Variants in AFF1 observed in about 807,000 individuals in gnomAD.
AFF1 encodes AF4/FMR2 family member 1.
In AFF1, 48 loss-of-function variants were observed where a neutral mutation model predicts 121.7. That is an observed-to-expected ratio of 0.39 (90% CI 0.31 to 0.50). The LOEUF is 0.50. Among genes scored for constraint, AFF1 ranks in the 20% least tolerant of loss-of-function variants. The pLI is 0.76. For synonymous variants in AFF1, 613 were observed against 563.0 expected (o/e 1.09, Z -1.26); for missense variants, 1,523 against 1,511.7 (o/e 1.01, Z -0.12).
rs929247340 is a variant in AFF1, at chr4:86,985,766, A to T, written c.38+37195A>T. 1.1e-4 allele frequency among the ~76,000 whole-genome samples: 16 copies of T among 152,096 alleles called. No individual in the cohort carries two copies. The South Asian group carries it at 2.1e-3, about 20-fold the overall frequency. On this transcript the variant is annotated intron_variant, in intron 2 of 20. Transcript: ENST00000395146. Reference sequence around the variant, plus strand: ...AATGGCAGGGAACTAACTCATAATTAAAAAAATAATAATAAAAGAATCAAG... The same window carrying T: ...AATGGCAGGGAACTAACTCATAATTTAAAAAATAATAATAAAAGAATCAAG...
At chr4:86,988,367 TC>T (rs1392837251) in intron 2 of AFF1, among the ~76,000 whole-genome samples, 1 of 149,818 alleles carries the variant, frequency 6.7e-6, no homozygotes, top group Non-Finnish European at 1.5e-5. Context: ...GGTTCTCTAC[TC>T]CGTTAGATCA....
intron 8 of AFF1, among the ~76,000 whole-genome samples, chr4:87,098,497 C>T (rs914159916): frequency 6.6e-6 from 1 of 152,110 alleles, no homozygotes; most frequent in African/African-American, 2.4e-5. Flanking sequence ...TAATTGTGGA[C>T]AATTCTTTTT....
chr4:87,002,104 CT>C (rs764965353), intron 2 of AFF1, among the ~76,000 whole-genome samples: 12,671 of 141,706 alleles, frequency 0.089, 1,058 homozygotes, highest in African/African-American at 0.23. Flanking sequence ...TTTTCTTTTC[CT>C]TTTTTTTTTT....
intron 2 of AFF1, among the ~76,000 whole-genome samples, chr4:86,989,959 C>G (rs1724569335): frequency 6.6e-6 from 1 of 152,066 alleles, no homozygotes; most frequent in Non-Finnish European, 1.5e-5. Flanking sequence ...TCTCACTCAT[C>G]AGTGGGAATT....
chr4:87,111,012 A>ATTTTTTTATTTTTTTTTTATT (rs1726457420), intron 11 of AFF1, among the ~76,000 whole-genome samples: 3 of 29,278 alleles, frequency 1.0e-4, no homozygotes, highest in African/African-American at 2.7e-4. Context: ...TTTTTTTTTT[A>ATTTTTTTATTTTTTTTTTATT]TTTTTTTTTT....
chr4:86,998,183 A>T (rs910336237), intron 2 of AFF1, among the ~76,000 whole-genome samples: 4 of 151,854 alleles, frequency 2.6e-5, no homozygotes, highest in Admixed American at 2.6e-4. Flanking sequence ...GAACCAATGG[A>T]ACAGGGCTCT....
In AFF1 at chr4:87,114,709, A is replaced by G; in HGVS notation, c.1876A>G (p.Thr626Ala). The change falls in exon 12 of 21, where the codon ACC becomes GCC. Residue 626 changes from threonine to alanine, a missense_variant. Physicochemically the swap from Thr to Ala is moderately conservative, Grantham distance 58. Coordinates refer to ENST00000395146, the MANE Select transcript of AFF1 (RefSeq NM_001166693.3). ...VKASARAGSR[T>A]SLQGEREPGL... is the part of the protein sequence containing the mutation. ...GGCCTCTGCCCGGGCAGGTTCACGGACCAGCCTGCAGGGGGAAAGGGAGCC... is the reference window on the plus strand; with the variant it reads ...GGCCTCTGCCCGGGCAGGTTCACGGGCCAGCCTGCAGGGGGAAAGGGAGCC... 6.2e-7 allele frequency: 1 copy of G among 1,613,874 alleles called. No individual in the cohort carries two copies. Among genetic ancestry groups the G allele is most frequent in the Non-Finnish European group, 8.5e-7 (1 of 1,179,972 alleles).
chr4:87,054,258 GGCCACAGGGA>G (rs1731536955), intron 4 of AFF1, among the ~76,000 whole-genome samples: 1 of 152,166 alleles, frequency 6.6e-6, no homozygotes, highest in African/African-American at 2.4e-5. Flanking sequence ...AAAGCTTATG[GGCCACAGGGA>G]GCTACAGGGG....
intron 2 of AFF1, among the ~76,000 whole-genome samples, chr4:86,960,106 A>C (rs867875028): frequency 6.6e-6 from 1 of 151,178 alleles, no homozygotes; most frequent in African/African-American, 2.4e-5. Context: ...TGACCTCTAC[A>C]TTTTTTTTTA....
chr4:87,127,031 T>C lies in AFF1; in HGVS notation c.2817T>C (p.Ser939=). Residue 939 remains serine, a synonymous_variant, in exon 15 of 21, where the codon TCT becomes TCC. Coordinates refer to ENST00000395146, the MANE Select transcript of AFF1 (RefSeq NM_001166693.3). ...TATTGATTTTTTTTTTGAAGGGTTC[T>C]TCCGGAGATACTGCAAATCCTTTTC... ...GSRSSSEHKG[S]SGDTANPFPV... is the part of the protein sequence containing the mutation. 6.2e-7 allele frequency: 1 copy of C among 1,613,868 alleles called. No individual in the cohort carries two copies. The highest frequency in any genetic ancestry group is 8.5e-7 in the Non-Finnish European group (1 of 1,179,822).
At chr4:86,979,968 T>G (rs1397115732) in intron 2 of AFF1, among the ~76,000 whole-genome samples, 1 of 152,224 alleles carries the variant, frequency 6.6e-6, no homozygotes, top group Non-Finnish European at 1.5e-5. Context: ...TGGAGTGCAG[T>G]GACGTGGCCT....
chr4:87,049,683 C>T, intron 4 of AFF1: 1 of 456,256 alleles, frequency 2.2e-6, no homozygotes, highest in Non-Finnish European at 4.4e-6. Flanking sequence ...GCGGTGGTTC[C>T]CTCTGGTCTC....
intron 2 of AFF1, among the ~76,000 whole-genome samples, chr4:87,032,690 A>G (rs1729192138): frequency 6.6e-6 from 1 of 152,182 alleles, no homozygotes; most frequent in South Asian, 2.1e-4. Flanking sequence ...TCCTTGTAGC[A>G]GTTGTTGATT....
intron 1 of AFF1, among the ~76,000 whole-genome samples, chr4:86,944,629 C>T (rs1397217022): frequency 3.9e-5 from 6 of 152,130 alleles, no homozygotes; most frequent in Non-Finnish European, 7.4e-5. Context: ...CAGACAGCCG[C>T]GGCGCCCAGC....
chr4:87,080,338 A>C (rs759159257), intron 4 of AFF1, among the ~76,000 whole-genome samples: 7 of 152,200 alleles, frequency 4.6e-5, no homozygotes, highest in Non-Finnish European at 8.8e-5. Flanking sequence ...AGAAATGTTT[A>C]TTGTTGCTTT....
chr4:87,094,367 C>T (rs1188270686), intron 7 of AFF1, among the ~76,000 whole-genome samples: 3 of 152,160 alleles, frequency 2.0e-5, no homozygotes, highest in Non-Finnish European at 2.9e-5. Context: ...TTTCATGTCC[C>T]TCAGTCAACA....
Position 87,136,441 on chromosome 4 carries a change from C to T in AFF1, c.*740C>T. ...CCACGTCGGAGCGGTGAGGAGGAGCCACAGCACATGGGGTGCCACCTCGAG... is the reference window on the plus strand; with the variant it reads ...CCACGTCGGAGCGGTGAGGAGGAGCTACAGCACATGGGGTGCCACCTCGAG... On this transcript the variant is annotated 3_prime_UTR_variant, in exon 21 of 21. Transcript: ENST00000395146. 4.3e-6 allele frequency: 1 copy of T among 232,726 alleles called. No homozygotes were observed. The highest frequency in any genetic ancestry group is 8.5e-6 in the Non-Finnish European group (1 of 117,752). The allele number at this position is 232,726 out of a possible 1,614,324, so 14.4% of individuals were successfully genotyped here.
intron 20 of AFF1, among the ~76,000 whole-genome samples, chr4:87,134,929 T>C (rs756370357): frequency 1.3e-5 from 2 of 152,322 alleles, no homozygotes; most frequent in East Asian, 1.9e-4. Flanking sequence ...TACAAGTGGC[T>C]TTAGCGCCTT....
rs1225863604 is a variant in AFF1 at position 87,140,747 on chromosome 4, T to TA, written c.*5047dup. The TA allele has an allele frequency of 5.2e-6, 1 of 190,694 alleles. No homozygotes were observed. The highest frequency in any genetic ancestry group is 6.2e-5 in the Admixed American group (1 of 16,228). The allele number at this position is 190,694 out of a possible 1,614,324, so 11.8% of individuals were successfully genotyped here. A position where few individuals can be genotyped will look rare whatever the true frequency, so the allele number is the denominator to read the frequency against. On this transcript the variant is annotated 3_prime_UTR_variant, in exon 21 of 21. Transcript: ENST00000395146. ...AAATTAAGGGGAACTCCATGTATTTTACCTACTTCAGCAATGGAACTGCAA... is the reference window on the plus strand; with the variant it reads ...AAATTAAGGGGAACTCCATGTATTTTAACCTACTTCAGCAATGGAACTGCAA...
Sources: gnomAD v4.1 joint callset for allele counts (sites outside exome capture counted in the v4.1 genomes callset) on GRCh38, gnomAD v4.1.1 for gene constraint, MANE v1.5 for transcripts, NCBI Gene and HGNC (gene_info 2026-07-23, HGNC 2026-07-21) for gene names.